Variants in SEMA3A observed in about 807,000 individuals in gnomAD.
The protein encoded by SEMA3A is semaphorin 3A.
SEMA3A carries 29 observed loss-of-function variants against 97.9 expected under a neutral mutation model. The ratio of observed to expected loss-of-function variants is 0.30; its 90% CI spans 0.22 to 0.40. The LOEUF is 0.40. SEMA3A is among the 10% of genes least tolerant of loss of function. SEMA3A has a pLI of 1.00. For synonymous variants in SEMA3A, 321 were observed against 323.7 expected (o/e 0.99, Z 0.09); for missense variants, 763 against 951.3 (o/e 0.80, Z 2.60).
intron 3 of SEMA3A, among the ~76,000 whole-genome samples, chr7:84,203,288 T>A (rs1197798725): frequency 2.6e-5 from 4 of 151,804 alleles, no homozygotes; most frequent in African/African-American, 9.7e-5. Flanking sequence ...TGTATCACAT[T>A]TCCTCAGTGG....
At chr7:84,482,622 C>G (rs1223427014) in intron 1 of SEMA3A, among the ~76,000 whole-genome samples, 2 of 152,126 alleles carry the variant, frequency 1.3e-5, no homozygotes, top group Non-Finnish European at 2.9e-5. Flanking sequence ...TATAGAACAG[C>G]CCAAGTACCC....
intron 1 of SEMA3A, among the ~76,000 whole-genome samples, chr7:84,161,517 A>G (rs1303139968): frequency 6.6e-6 from 1 of 152,190 alleles, no homozygotes; most frequent in Admixed American, 6.5e-5. Flanking sequence ...AATCAGTGTT[A>G]GAAGAGTTTC....
chr7:84,178,569 A>T (rs1389645091), intron 1 of SEMA3A, among the ~76,000 whole-genome samples: 1 of 152,150 alleles, frequency 6.6e-6, no homozygotes, highest in Admixed American at 6.5e-5. Flanking sequence ...AATCTCTCTG[A>T]TTCCTAAAAC....
At chr7:84,246,996 G>A (rs1046335484) in intron 3 of SEMA3A, among the ~76,000 whole-genome samples, 1 of 152,006 alleles carries the variant, frequency 6.6e-6, no homozygotes, top group Admixed American at 6.5e-5. Flanking sequence ...GTTTTTAAGT[G>A]TCATTAATGC....
At chr7:84,000,401 T>C (rs1247809976) in intron 12 of SEMA3A, among the ~76,000 whole-genome samples, 1 of 152,154 alleles carries the variant, frequency 6.6e-6, no homozygotes, top group Non-Finnish European at 1.5e-5. Flanking sequence ...ATTATGATTA[T>C]TTTATTATCT....
chr7:84,460,884 C>G (rs1458996792), intron 1 of SEMA3A, among the ~76,000 whole-genome samples: 1 of 152,182 alleles, frequency 6.6e-6, no homozygotes, highest in Non-Finnish European at 1.5e-5. Context: ...CACCTAAATA[C>G]TCCAAAGTGC....
At chr7:84,143,920 ATCTCTCTCTC>A (rs142920312) in intron 1 of SEMA3A, among the ~76,000 whole-genome samples, 257 of 128,756 alleles carry the variant, frequency 2.0e-3, no homozygotes, top group Admixed American at 2.9e-3. Context: ...TACTGTCCTA[ATCTCTCTCTC>A]TCTCTCTCTC....
At chr7:84,265,497 A>G (rs1485565806) in intron 3 of SEMA3A, among the ~76,000 whole-genome samples, 6 of 147,428 alleles carry the variant, frequency 4.1e-5, no homozygotes. Context: ...AATATATTAT[A>G]TATCATATAT....
intron 3 of SEMA3A, among the ~76,000 whole-genome samples, chr7:84,232,227 C>T (rs1799131960): frequency 6.8e-6 from 1 of 147,914 alleles, no homozygotes; most frequent in Non-Finnish European, 1.5e-5. Context: ...CATTTAATTC[C>T]ACAAATTATA....
intron 12 of SEMA3A, 122 bp from the exon 13 acceptor site, chr7:83,985,599 T>C: frequency 1.3e-6 from 1 of 753,406 alleles, no homozygotes; most frequent in East Asian, 2.5e-5. Flanking sequence ...CAAGAAGCAA[T>C]GTGACTGGGA....
At chr7:84,173,273 T>C (rs1275664054) in intron 1 of SEMA3A, among the ~76,000 whole-genome samples, 2 of 151,936 alleles carry the variant, frequency 1.3e-5, no homozygotes, top group African/African-American at 4.8e-5. Flanking sequence ...TTAAAAGTTT[T>C]GGCCAGGCGC....
chr7:84,119,672 T>C (rs1480187075), intron 3 of SEMA3A, among the ~76,000 whole-genome samples: 1 of 152,158 alleles, frequency 6.6e-6, no homozygotes, highest in African/African-American at 2.4e-5. Context: ...TGATGGACAG[T>C]GTACTCTCAG....
chr7:84,462,673 G>A (rs1035531355), intron 1 of SEMA3A, among the ~76,000 whole-genome samples: 1 of 152,116 alleles, frequency 6.6e-6, no homozygotes, highest in Non-Finnish European at 1.5e-5. Context: ...AAGAAAGTAG[G>A]CATCATGTGT....
At chr7:83,995,048 T>G (rs1280766390) in intron 12 of SEMA3A, among the ~76,000 whole-genome samples, 2 of 152,144 alleles carry the variant, frequency 1.3e-5, no homozygotes, top group Non-Finnish European at 2.9e-5. Flanking sequence ...GTCGGAAAAG[T>G]GCAGTATTCA....
At chr7:84,315,485 C>A (rs1173517857) in intron 2 of SEMA3A, among the ~76,000 whole-genome samples, 1 of 152,022 alleles carries the variant, frequency 6.6e-6, no homozygotes, top group African/African-American at 2.4e-5. Context: ...AATAAAAAAT[C>A]ATCTAGATGG....
At chr7:84,158,148 CTTTTTTTTTTTTTT>C (rs1187182577) in intron 1 of SEMA3A, among the ~76,000 whole-genome samples, 1 of 82,298 alleles carries the variant, frequency 1.2e-5, no homozygotes, top group African/African-American at 4.5e-5. Context: ...ACAGCTAATT[CTTTTTTTTTTTTTT>C]TTTTTTTTTT....
At chr7:84,020,329 C>A (rs1182821673) in intron 6 of SEMA3A, among the ~76,000 whole-genome samples, 1 of 151,632 alleles carries the variant, frequency 6.6e-6, no homozygotes, top group Non-Finnish European at 1.5e-5. Context: ...CAGGTGTGAG[C>A]CACTATGCCC....
At chr7:84,178,913 C>T (rs1019529946) in intron 1 of SEMA3A, among the ~76,000 whole-genome samples, 5 of 152,112 alleles carry the variant, frequency 3.3e-5, no homozygotes, top group African/African-American at 1.2e-4. Context: ...TTCATTCATT[C>T]TACTTCCTTC....
At position 84,194,686 on chromosome 7, in the gene SEMA3A, T is replaced by A; in HGVS notation, c.-100A>T. 1.4e-6 allele frequency: 1 copy of A among 715,270 alleles called. No individual in the cohort carries two copies. Among genetic ancestry groups the A allele is most frequent in the Admixed American group, 2.2e-5 (1 of 44,874 alleles). 44.3% of individuals were successfully genotyped at this position (715,270 alleles called of 1,614,324 possible). A position where few individuals can be genotyped will look rare whatever the true frequency, so the allele number is the denominator to read the frequency against. ...TCTGGAAACTGGAGGTAACAGGTGA[T>A]TTAGGTCAGTTTCATTCATAAATGC... On this transcript the variant is annotated 5_prime_UTR_variant, in exon 1 of 17. Coordinates refer to ENST00000265362, the MANE Select transcript of SEMA3A (RefSeq NM_006080.3).
Sources: allele counts gnomAD v4.1 joint callset (sites outside exome capture counted in the v4.1 genomes callset), GRCh38; gene constraint gnomAD v4.1.1; transcripts MANE v1.5; gene names NCBI Gene and HGNC (gene_info 2026-07-23, HGNC 2026-07-21).